The following NALF1 variants were observed in gnomAD, a reference collection of about 807,000 sequenced individuals.
The protein encoded by NALF1 is NALCN channel auxiliary factor 1.
NALF1 carries 3 observed loss-of-function variants against 48.4 expected under a neutral mutation model. The ratio of observed to expected loss-of-function variants is 0.06; its 90% CI spans 0.03 to 0.16. The LOEUF is 0.16. Ranked by LOEUF, NALF1 falls within the 10% of genes least tolerant of loss-of-function variation. The pLI is 1.00. For missense variants in NALF1, 526 were observed against 571.5 expected (o/e 0.92, Z 0.81); for synonymous variants, 262 against 245.7 (o/e 1.07, Z -0.62).
chr13:107,519,731 T>A (rs1247555703), intron 1 of NALF1, among the ~76,000 whole-genome samples: 1 of 152,190 alleles, frequency 6.6e-6, no homozygotes, highest in Non-Finnish European at 1.5e-5. Flanking sequence ...TAATGAACAC[T>A]ATTTTCTGGC....
At chr13:107,458,056 G>C (rs1472387096) in intron 1 of NALF1, among the ~76,000 whole-genome samples, 3 of 152,174 alleles carry the variant, frequency 2.0e-5, no homozygotes, top group African/African-American at 7.2e-5. Flanking sequence ...AAAGCAGTGA[G>C]AAGGAAACAA....
chr13:107,721,193 G>C (rs1875975534), intron 1 of NALF1, among the ~76,000 whole-genome samples: 1 of 151,202 alleles, frequency 6.6e-6, no homozygotes, highest in South Asian at 2.1e-4. Context: ...TAGACATGAA[G>C]GACAGGATTG....
At chr13:107,184,757 C>T (rs1034922674) in intron 2 of NALF1, among the ~76,000 whole-genome samples, 1 of 152,076 alleles carries the variant, frequency 6.6e-6, no homozygotes, top group African/African-American at 2.4e-5. Flanking sequence ...CAAATATATG[C>T]TATTATTTTG....
chr13:107,575,452 T>C (rs1878112577), intron 1 of NALF1, among the ~76,000 whole-genome samples: 1 of 152,236 alleles, frequency 6.6e-6, no homozygotes, highest in South Asian at 2.1e-4. Flanking sequence ...TCTACAATTT[T>C]AGCAGAGAGT....
intron 1 of NALF1, among the ~76,000 whole-genome samples, chr13:107,229,607 A>T (rs1880178052): frequency 6.6e-6 from 1 of 152,128 alleles, no homozygotes; most frequent in Non-Finnish European, 1.5e-5. Context: ...AATTTGGAGG[A>T]AGGCTGGTTT....
At chr13:107,253,566 G>C (rs1168722340) in intron 1 of NALF1, among the ~76,000 whole-genome samples, 1 of 152,120 alleles carries the variant, frequency 6.6e-6, no homozygotes, top group Non-Finnish European at 1.5e-5. Flanking sequence ...AATTCAGGTC[G>C]CATACTTCTG....
chr13:107,295,471 C>T (rs1244544283), intron 1 of NALF1, among the ~76,000 whole-genome samples: 1 of 152,186 alleles, frequency 6.6e-6, no homozygotes, highest in Non-Finnish European at 1.5e-5. Context: ...ATCTCAGATT[C>T]TCCACCTCTT....
At chr13:107,417,691 C>T (rs1415768216) in intron 1 of NALF1, among the ~76,000 whole-genome samples, 2 of 152,132 alleles carry the variant, frequency 1.3e-5, no homozygotes, top group Non-Finnish European at 2.9e-5. Context: ...CGTAATATCA[C>T]CAATGTATTA....
chr13:107,771,834 T>A (rs943424104), intron 1 of NALF1, among the ~76,000 whole-genome samples: 38 of 152,216 alleles, frequency 2.5e-4, no homozygotes, highest in Admixed American at 6.5e-5. Flanking sequence ...CCTCCCGGGT[T>A]CAAGTGATTC....
chr13:107,756,374 G>A (rs919215153), intron 1 of NALF1, among the ~76,000 whole-genome samples: 2 of 150,522 alleles, frequency 1.3e-5, no homozygotes, highest in African/African-American at 4.9e-5. Flanking sequence ...GAAGAGCAAG[G>A]ATGTAGGGTA....
At chr13:107,329,164 T>C (rs1039063519) in intron 1 of NALF1, among the ~76,000 whole-genome samples, 2 of 152,182 alleles carry the variant, frequency 1.3e-5, no homozygotes, top group East Asian at 1.9e-4. Context: ...ATAACTATAA[T>C]TCCTTAACAC....
At chr13:107,608,050 C>T (rs1175975422) in intron 1 of NALF1, among the ~76,000 whole-genome samples, 1 of 152,196 alleles carries the variant, frequency 6.6e-6, no homozygotes, top group African/African-American at 2.4e-5. Flanking sequence ...TCTACTAATT[C>T]TTGACATTTC....
intron 1 of NALF1, among the ~76,000 whole-genome samples, chr13:107,270,673 T>A (rs372435125): frequency 2.4e-3 from 85 of 35,728 alleles, no homozygotes; most frequent in African/African-American, 4.1e-3. Context: ...ATATTTTTAT[T>A]ATTATTATAC....
intron 1 of NALF1, among the ~76,000 whole-genome samples, chr13:107,863,287 T>G (rs538279865): frequency 2.0e-5 from 3 of 152,258 alleles, no homozygotes; most frequent in South Asian, 2.1e-4. Context: ...TAATGTGGCA[T>G]AGTTTATATG....
intron 2 of NALF1, among the ~76,000 whole-genome samples, chr13:107,198,000 A>C (rs569642718): frequency 5.7e-4 from 87 of 152,350 alleles, no homozygotes; most frequent in African/African-American, 2.0e-3. Context: ...CTTAAATATG[A>C]ACCCATAAAA....
chr13:107,352,168 C>T (rs938789727), intron 1 of NALF1, among the ~76,000 whole-genome samples: 5 of 152,040 alleles, frequency 3.3e-5, no homozygotes, highest in Non-Finnish European at 5.9e-5. Flanking sequence ...CTCTGTAAAC[C>T]GGCCAGAATC....
At chr13:107,241,908 C>T (rs9555332) in intron 1 of NALF1, among the ~76,000 whole-genome samples, 30,453 of 152,036 alleles carry the variant, frequency 0.2, 3,167 homozygotes, top group Middle Eastern at 0.26. Context: ...ACATACCCCA[C>T]GGAATGGCTC....
chr13:107,568,121 G>A (rs758776083), intron 1 of NALF1, among the ~76,000 whole-genome samples: 19 of 152,058 alleles, frequency 1.2e-4, no homozygotes, highest in Admixed American at 3.3e-4. Flanking sequence ...GGCACATCAC[G>A]CATGCACCAC....
chr13:107,678,912 A>T (rs1280871223), intron 1 of NALF1, among the ~76,000 whole-genome samples: 1 of 152,182 alleles, frequency 6.6e-6, no homozygotes, highest in Non-Finnish European at 1.5e-5. Flanking sequence ...ATTCAAGATG[A>T]GATTTAAGTG....
Sources: gnomAD v4.1 joint callset for allele counts (sites outside exome capture counted in the v4.1 genomes callset) on GRCh38, gnomAD v4.1.1 for gene constraint, MANE v1.5 for transcripts, NCBI Gene and HGNC (gene_info 2026-07-23, HGNC 2026-07-21) for gene names.